Variants in CRYL1 observed in about 807,000 individuals in gnomAD.
CRYL1 encodes the protein crystallin lambda 1, also known as lambda-crystallin homolog.
CRYL1 carries 29 observed loss-of-function variants against 36.6 expected under a neutral mutation model. The ratio of observed to expected loss-of-function variants is 0.79; its 90% confidence interval spans 0.59 to 1.08. CRYL1 has a LOEUF of 1.08. Among genes scored for constraint, CRYL1 ranks in the 50% least tolerant of loss-of-function variants. The pLI, the probability that CRYL1 is intolerant of heterozygous loss-of-function variation, is 0.00. For missense variants in CRYL1, 411 were observed against 407.9 expected (o/e 1.01, Z -0.06); for synonymous variants, 152 against 151.5 (o/e 1.00, Z -0.02).
chr13:20,520,554 T>C (rs1442765687), intron 1 of CRYL1, among the ~76,000 whole-genome samples: 2 of 152,018 alleles, frequency 1.3e-5, no homozygotes, highest in African/African-American at 2.4e-5. Flanking sequence ...AAATATCAGG[T>C]GATTGGACTG....
At chr13:20,482,664 A>G (rs917599219) in intron 3 of CRYL1, among the ~76,000 whole-genome samples, 4 of 152,246 alleles carry the variant, frequency 2.6e-5, no homozygotes, top group African/African-American at 9.6e-5. Flanking sequence ...CACTCCCATT[A>G]CTGGGCTTCG....
chr13:20,412,660 T>C (rs1272135808), intron 6 of CRYL1, among the ~76,000 whole-genome samples: 1 of 152,204 alleles, frequency 6.6e-6, no homozygotes, highest in South Asian at 2.1e-4. Context: ...TCTTGGAAGT[T>C]TCTTGTCCTT....
At chr13:20,414,437 A>G (rs921307826) in intron 5 of CRYL1, among the ~76,000 whole-genome samples, 4 of 152,044 alleles carry the variant, frequency 2.6e-5, no homozygotes, top group African/African-American at 9.7e-5. Flanking sequence ...GAGCGTGAGG[A>G]CGGGGCATCG....
At chr13:20,439,957 C>G (rs2032318900) in intron 3 of CRYL1, 1 of 507,256 alleles carries the variant, frequency 2.0e-6, no homozygotes, top group Non-Finnish European at 3.5e-6. Flanking sequence ...CTCTCCTCCC[C>G]TAAAGCAAGC....
chr13:20,462,694 G>A (rs1282874081), intron 3 of CRYL1, among the ~76,000 whole-genome samples: 2 of 151,558 alleles, frequency 1.3e-5, no homozygotes, highest in Non-Finnish European at 2.9e-5. Flanking sequence ...CCTTAAGTTT[G>A]GCACTTCAGC....
At chr13:20,517,733 G>A (rs1014902705) in intron 1 of CRYL1, among the ~76,000 whole-genome samples, 2 of 152,012 alleles carry the variant, frequency 1.3e-5, no homozygotes, top group African/African-American at 2.4e-5. Flanking sequence ...GCAGGAGATC[G>A]AGACCAACCT....
At chr13:20,498,154 CCATA>C (rs745649062) in intron 2 of CRYL1, among the ~76,000 whole-genome samples, 8 of 149,672 alleles carry the variant, frequency 5.3e-5, no homozygotes, top group Non-Finnish European at 8.9e-5. Flanking sequence ...ACATACACCA[CCATA>C]CACACTACAT....
At chr13:20,504,202 C>T in intron 2 of CRYL1, among the ~76,000 whole-genome samples, 1 of 152,092 alleles carries the variant, frequency 6.6e-6, no homozygotes, top group Non-Finnish European at 1.5e-5. Flanking sequence ...GGAAATGAGT[C>T]TAGCTCCAAA....
chr13:20,413,398 A>C lies in CRYL1; in HGVS notation c.634-11T>G, dbSNP rs755903919. 1 of 1,567,524 alleles carries C rather than the reference A, an allele frequency of 6.4e-7. No individual in the cohort carries two copies. ...AGACACGATTCCTTCCTACGTGGAGAAATTGGGCGGCATAGATGAGTTTTG... is the reference window on the plus strand; with the variant it reads ...AGACACGATTCCTTCCTACGTGGAGCAATTGGGCGGCATAGATGAGTTTTG... On this transcript the variant is annotated splice_polypyrimidine_tract_variant and intron_variant, in intron 5 of 7. Transcript: ENST00000298248.
rs575850104 is a variant in CRYL1, at chr13:20,479,580, T to A, written c.276+9790A>T. Among the ~76,000 whole-genome samples, 4 of 152,302 alleles carry A rather than the reference T, an allele frequency of 2.6e-5. No homozygotes were observed. In the South Asian group the frequency reaches 8.3e-4, roughly 32 times the overall value. ...CTCTTACACAGCCACTAGAAAGTGTTAAATGTTGATTAATATAAGTAGAAT... is the reference window on the plus strand; with the variant it reads ...CTCTTACACAGCCACTAGAAAGTGTAAAATGTTGATTAATATAAGTAGAAT... On this transcript the variant is annotated intron_variant, in intron 3 of 7. Coordinates refer to ENST00000298248, the MANE Select transcript of CRYL1 (RefSeq NM_015974.3).
chr13:20,427,060 G>C, intron 5 of CRYL1: 5 of 985,426 alleles, frequency 5.1e-6, no homozygotes, highest in Non-Finnish European at 6.0e-6. Context: ...TGCCCTCATG[G>C]GAAAGAATTT....
rs891205194 is a variant in CRYL1, at chr13:20,427,162, G to C, written c.633+4940C>G. ...GCTAATGCCTTAAAAATGTAGACTT[G>C]AAATGACATCCCAGCCAATAAGATC... is the stretch of plus-strand genomic sequence containing the variant. On this transcript the variant is annotated intron_variant, in intron 5 of 7. Coordinates refer to ENST00000298248, the MANE Select transcript of CRYL1 (RefSeq NM_015974.3). 2.8e-5 allele frequency: 28 copies of C among 985,420 alleles called. No individual in the cohort carries two copies. The African/African-American group carries it at 4.5e-4, about 16-fold the overall frequency. 61.0% of individuals were successfully genotyped at this position (985,420 alleles called of 1,614,324 possible). A position where few individuals can be genotyped will look rare whatever the true frequency, so the allele number is the denominator to read the frequency against.
rs1401267992 is a variant in CRYL1 at position 20,425,750 on chromosome 13, A to G, written c.633+6352T>C. Among the ~76,000 whole-genome samples the G allele has an allele frequency of 6.6e-6, 1 of 152,170 alleles. No individual in the cohort carries two copies. The highest frequency in any genetic ancestry group is 1.5e-5 in the Non-Finnish European group (1 of 68,034). The stretch of plus-strand genomic sequence containing the variant: ...TCATGCCCTTGGCTCCCCTTTGTGT[A>G]ACCTCCCAGTCTGCCAAGGAGCTTC... On this transcript the variant is annotated intron_variant, in intron 5 of 7. Transcript: ENST00000298248. This position sits in a 1 kb window ranked among gnomAD's most constrained non-coding sequence, Gnocchi z 4.4.
intron 2 of CRYL1, chr13:20,502,647 TC>T (rs1175899728): frequency 1.3e-5 from 2 of 151,098 alleles, no homozygotes; most frequent in Non-Finnish European, 2.9e-5. Flanking sequence ...AGAGCGAGAC[TC>T]CGTCTCAAAA....
At chr13:20,458,986 A>G (rs1169288465) in intron 3 of CRYL1, among the ~76,000 whole-genome samples, 2 of 152,238 alleles carry the variant, frequency 1.3e-5, no homozygotes, top group African/African-American at 4.8e-5. Flanking sequence ...CTGTAATCCC[A>G]GCACTTTGGG....
In CRYL1 at chr13:20,435,722, C is replaced by T. The variant is rs1017248218; in HGVS notation, c.439-3426G>A. On this transcript the variant is annotated intron_variant, in intron 4 of 7. Coordinates refer to ENST00000298248, the MANE Select transcript of CRYL1 (RefSeq NM_015974.3). The surrounding 1 kb of genome is among the most constrained non-coding windows in gnomAD (Gnocchi z 4.0). ...AGGGGCCTGGGCCTGCGCAGGCCGG[C>T]GGAGCACAAGGGACGCATTCTTCCC... Among the ~76,000 whole-genome samples the T allele has an allele frequency of 3.9e-5, 6 of 152,186 alleles. No homozygotes were observed. The highest frequency in any genetic ancestry group is 8.8e-5 in the Non-Finnish European group (6 of 68,026).
intron 4 of CRYL1, among the ~76,000 whole-genome samples, chr13:20,436,372 A>G (rs1185191794): frequency 2.0e-5 from 3 of 152,220 alleles, no homozygotes; most frequent in East Asian, 1.9e-4. Flanking sequence ...CACTCTGTCA[A>G]TGCTAACATA....
At chr13:20,461,956 A>AC (rs2032828722) in intron 3 of CRYL1, among the ~76,000 whole-genome samples, 1 of 51,390 alleles carries the variant, frequency 1.9e-5, no homozygotes. Flanking sequence ...GGGTGGGAGG[A>AC]GGAGGTGGGA....
At chr13:20,472,767 C>T (rs149294131) in intron 3 of CRYL1, among the ~76,000 whole-genome samples, 34 of 152,296 alleles carry the variant, frequency 2.2e-4, no homozygotes, top group Non-Finnish European at 2.8e-4. Context: ...TCGCTCTGCT[C>T]GAACACCTTC....
Sources: allele counts gnomAD v4.1 joint callset (sites outside exome capture counted in the v4.1 genomes callset), GRCh38; gene constraint gnomAD v4.1.1; non-coding constraint Gnocchi (gnomAD v3.1); transcripts MANE v1.5; gene names NCBI Gene and HGNC (gene_info 2026-07-23, HGNC 2026-07-21).